The following MKX variants were observed in gnomAD, a reference collection of about 807,000 sequenced individuals.
The protein encoded by MKX is mohawk homeobox.
MKX carries 13 observed loss-of-function variants against 36.0 expected under a neutral mutation model. That is an observed-to-expected ratio of 0.36 (90% CI 0.24 to 0.57). MKX has a LOEUF of 0.57. MKX is among the 20% of genes least tolerant of loss of function. MKX has a pLI of 0.79. For missense variants in MKX, 458 were observed against 456.4 expected (o/e 1.00, Z -0.03); for synonymous variants, 176 against 178.3 (o/e 0.99, Z 0.10).
At chr10:27,704,564 A>G (rs1589670097) in intron 5 of MKX, among the ~76,000 whole-genome samples, 1 of 152,214 alleles carries the variant, frequency 6.6e-6, no homozygotes, top group Non-Finnish European at 1.5e-5. Context: ...GACCAACTCA[A>G]TTTAAAATAT....
intron 5 of MKX, among the ~76,000 whole-genome samples, chr10:27,697,995 A>G (rs1836585551): frequency 6.6e-6 from 1 of 152,196 alleles, no homozygotes; most frequent in Admixed American, 6.5e-5. Context: ...CTGAGTGCCA[A>G]GACATGGAAA....
rs991603609 is a variant in MKX at position 27,674,960 on chromosome 10, T to G, written c.*269A>C. 18 of 303,498 alleles carry G rather than the reference T, an allele frequency of 5.9e-5. No homozygotes were observed. Among genetic ancestry groups the G allele is most frequent in the Non-Finnish European group, 9.2e-5 (15 of 163,458 alleles). 18.8% of individuals were successfully genotyped at this position (303,498 alleles called of 1,614,324 possible). A position where few individuals can be genotyped will look rare whatever the true frequency, so the allele number is the denominator to read the frequency against. On this transcript the variant is annotated 3_prime_UTR_variant, in exon 7 of 7. Coordinates refer to ENST00000419761, the MANE Select transcript of MKX (RefSeq NM_173576.3). ...CAACTATGCCCACGTTGGAGCTTATTGTCGGGAAGCAAGGCACTTACTGTA... is the reference window on the plus strand; with the variant it reads ...CAACTATGCCCACGTTGGAGCTTATGGTCGGGAAGCAAGGCACTTACTGTA...
rs1289826386 is a variant in MKX at position 27,741,597 on chromosome 10, A to G, written c.189-93T>C. ...CGGCCAAGCCCGGGCCCCGCATCCA[A>G]ACTGCGCATTCCTGCCTTGCGCCCC... On this transcript the variant is annotated intron_variant, in intron 2 of 6. Transcript: ENST00000419761. This position sits in a 1 kb window ranked among gnomAD's most constrained non-coding sequence, Gnocchi z 5.1. The G allele has an allele frequency of 1.4e-6, 2 of 1,405,400 alleles. No individual in the cohort carries two copies. The allele number at this position is 1,405,400 out of a possible 1,614,324, so 87.1% of individuals were successfully genotyped here. A position where few individuals can be genotyped will look rare whatever the true frequency, so the allele number is the denominator to read the frequency against.
At position 27,741,364 on chromosome 10, in the gene MKX, G is replaced by A; in HGVS notation, c.329C>T (p.Ser110Leu). 6.2e-7 allele frequency: 1 copy of A among 1,613,030 alleles called. No homozygotes were observed. The highest frequency in any genetic ancestry group is 8.5e-7 in the Non-Finnish European group (1 of 1,179,578). ...GATTACCTGCACTAGCGTCATCTGC[G>A]AGCCGAGGGCCAAGAGTATCTTCTC... The part of the protein sequence containing the change: ...KTEKILLALG[S>L]QMTLVQVSNW... The change falls in exon 3 of 7, where the codon TCG becomes TTG. Residue 110 changes from serine (S) to leucine (L), a missense_variant. By Grantham distance (145) the Ser-to-Leu change is moderately radical. This residue lies in a region of MKX where 297 missense variants were observed against 304.4 expected (regional missense o/e 0.98). Transcript: ENST00000419761. This position sits in a 1 kb window ranked among gnomAD's most constrained non-coding sequence, Gnocchi z 5.1.
chr10:27,714,009 C>CAAAAAA (rs10632508), intron 5 of MKX, among the ~76,000 whole-genome samples: 1,873 of 101,564 alleles, frequency 0.018, 41 homozygotes, highest in Non-Finnish European at 0.027. Context: ...GTGCAAAGAC[C>CAAAAAA]AAAAAAAAAA....
intron 5 of MKX, among the ~76,000 whole-genome samples, chr10:27,701,029 T>C (rs573863494): frequency 6.6e-6 from 1 of 152,316 alleles, no homozygotes; most frequent in East Asian, 1.9e-4. Flanking sequence ...TAGTGGTCTG[T>C]TAAAGTAGCC....
At chr10:27,711,390 T>A (rs1660838377) in intron 5 of MKX, among the ~76,000 whole-genome samples, 1 of 151,990 alleles carries the variant, frequency 6.6e-6, no homozygotes, top group East Asian at 1.9e-4. Context: ...TTTCTTTTCT[T>A]TCTTCCTTTC....
At chr10:27,731,204 A>G (rs1173179417) in intron 5 of MKX, among the ~76,000 whole-genome samples, 1 of 152,092 alleles carries the variant, frequency 6.6e-6, no homozygotes, top group Non-Finnish European at 1.5e-5. Flanking sequence ...AATAAATTGT[A>G]AAGTGTTCTT....
In MKX at chr10:27,741,900, G is replaced by A. The variant is rs376095220; in HGVS notation, c.189-396C>T. Reference sequence around the variant, plus strand: ...GCCTGGCAGGCCTGGCAGGGTATGCGGCTGGCTCTCGAAACTTCCCTCGGG... The same window carrying A: ...GCCTGGCAGGCCTGGCAGGGTATGCAGCTGGCTCTCGAAACTTCCCTCGGG... On this transcript the variant is annotated intron_variant, in intron 2 of 6. Coordinates refer to ENST00000419761, the MANE Select transcript of MKX (RefSeq NM_173576.3). The surrounding 1 kb of genome is among the most constrained non-coding windows in gnomAD (Gnocchi z 5.1). 2.0e-5 allele frequency among the ~76,000 whole-genome samples: 3 copies of A among 152,194 alleles called. No individual in the cohort carries two copies. Among genetic ancestry groups the A allele is most frequent in the East Asian group, 1.9e-4 (1 of 5,166 alleles).
At chr10:27,701,605 TA>T (rs1836656656) in intron 5 of MKX, among the ~76,000 whole-genome samples, 1 of 145,158 alleles carries the variant, frequency 6.9e-6, no homozygotes, top group South Asian at 2.1e-4. Flanking sequence ...TTTTTAATAT[TA>T]AAAATAATTA....
At chr10:27,723,572 G>A (rs1421164742) in intron 5 of MKX, among the ~76,000 whole-genome samples, 1 of 152,192 alleles carries the variant, frequency 6.6e-6, no homozygotes, top group East Asian at 1.9e-4. Context: ...CTAGGCTCAG[G>A]CATCACAGCA....
At position 27,681,213 on chromosome 10, in the gene MKX, G is replaced by A. The variant is rs545319655; in HGVS notation, c.839-5659C>T. ...TGTAATCTCAGCACTTTGGGAGGCT[G>A]AGGCGGGTGAATCACTTGAGTTCAG... On this transcript the variant is annotated intron_variant, in intron 5 of 6. Transcript: ENST00000419761. 7.2e-5 allele frequency among the ~76,000 whole-genome samples: 11 copies of A among 152,304 alleles called. No homozygotes were observed. In the East Asian group the frequency reaches 2.1e-3, roughly 29 times the overall value.
intron 5 of MKX, among the ~76,000 whole-genome samples, chr10:27,710,467 T>C (rs1197327170): frequency 6.6e-6 from 1 of 152,090 alleles, no homozygotes; most frequent in Non-Finnish European, 1.5e-5. Flanking sequence ...TGTCCTCCAA[T>C]AGATCAATCA....
At chr10:27,685,682 C>A (rs1836333599) in intron 5 of MKX, among the ~76,000 whole-genome samples, 1 of 152,106 alleles carries the variant, frequency 6.6e-6, no homozygotes, top group Non-Finnish European at 1.5e-5. Context: ...AATCTCCTAA[C>A]CTTGTGATCC....
intron 5 of MKX, among the ~76,000 whole-genome samples, chr10:27,729,370 C>T (rs1056259494): frequency 1.4e-5 from 2 of 141,172 alleles, no homozygotes; most frequent in African/African-American, 2.6e-5. Context: ...CTCGTGATCT[C>T]GGCTCAGTGC....
chr10:27,714,207 G>T (rs1437147362), intron 5 of MKX, among the ~76,000 whole-genome samples: 1 of 151,996 alleles, frequency 6.6e-6, no homozygotes, highest in African/African-American at 2.4e-5. Context: ...ATAATTTGTA[G>T]TCTGTCTGGC....
chr10:27,704,379 A>G (rs1836713826), intron 5 of MKX, among the ~76,000 whole-genome samples: 1 of 152,210 alleles, frequency 6.6e-6, no homozygotes, highest in East Asian at 1.9e-4. Context: ...CTGGCTAGAA[A>G]AACTGTGAAA....
At chr10:27,677,247 C>T (rs1237311741) in intron 5 of MKX, among the ~76,000 whole-genome samples, 1 of 152,204 alleles carries the variant, frequency 6.6e-6, no homozygotes, top group Non-Finnish European at 1.5e-5. Context: ...TCTGCTAGTT[C>T]TACGGCCTTT....
At chr10:27,729,314 G>C (rs1834568671) in intron 5 of MKX, among the ~76,000 whole-genome samples, 1 of 88,184 alleles carries the variant, frequency 1.1e-5, no homozygotes. Flanking sequence ...TTTTTTTTGA[G>C]ACAGAGTCTC....
Sources: allele counts gnomAD v4.1 joint callset (sites outside exome capture counted in the v4.1 genomes callset), GRCh38; gene constraint gnomAD v4.1.1; regional missense constraint gnomAD v4.1.1; non-coding constraint Gnocchi (gnomAD v3.1); transcripts MANE v1.5; gene names NCBI Gene and HGNC (gene_info 2026-07-23, HGNC 2026-07-21).